Variants in EHBP1 observed in about 807,000 individuals in gnomAD.
EHBP1 encodes EH domain binding protein 1.
A neutral mutation model predicts 144.0 loss-of-function variants in EHBP1; 55 were observed. That is an observed-to-expected ratio of 0.38 (90% CI 0.31 to 0.48). The LOEUF (loss-of-function observed/expected upper bound fraction) is 0.48. EHBP1 is among the 20% of genes least tolerant of loss of function. The pLI is 0.98. For missense variants in EHBP1, 1,200 were observed against 1,364.2 expected (o/e 0.88, Z 1.90); for synonymous variants, 469 against 472.7 (o/e 0.99, Z 0.10).
Position 62,993,558 on chromosome 2 carries a change from G to T in EHBP1, c.2762G>T (p.Arg921Leu). 1 of 1,596,996 alleles carries T rather than the reference G, an allele frequency of 6.3e-7. No individual in the cohort carries two copies. Among genetic ancestry groups the T allele is most frequent in the Non-Finnish European group, 8.6e-7 (1 of 1,169,194 alleles). ...KSGTEDLRTERLQKTTERFRN... is the reference protein window; with the variant it reads ...KSGTEDLRTELLQKTTERFRN... Reference sequence around the variant, plus strand: ...GGCACAGAAGATCTCCGGACTGAACGATTACAAAAAACAACAGAACGTTTT... The same window carrying T: ...GGCACAGAAGATCTCCGGACTGAACTATTACAAAAAACAACAGAACGTTTT... The change falls in exon 17 of 23, where the codon CGA (arginine) becomes CTA (leucine). Residue 921 changes from arginine to leucine, a missense_variant. Around this residue, in one of 6 missense-constraint regions of EHBP1, gnomAD observed 543 missense variants for 513.1 expected, o/e 1.06. Coordinates refer to ENST00000431489, the MANE Select transcript of EHBP1 (RefSeq NM_001142616.3).
At chr2:62,915,623 A>G (rs1374152140) in intron 10 of EHBP1, among the ~76,000 whole-genome samples, 4 of 152,198 alleles carry the variant, frequency 2.6e-5, no homozygotes, top group Admixed American at 2.6e-4. Context: ...GATTTGATAT[A>G]ACCATAATCA....
At chr2:62,776,267 A>T (rs2042047146) in intron 5 of EHBP1, among the ~76,000 whole-genome samples, 1 of 152,174 alleles carries the variant, frequency 6.6e-6, no homozygotes, top group Admixed American at 6.5e-5. Flanking sequence ...GAAACTTTAG[A>T]GTTGAAATTT....
At chr2:62,708,169 T>C (rs1288368119) in intron 2 of EHBP1, among the ~76,000 whole-genome samples, 1 of 152,210 alleles carries the variant, frequency 6.6e-6, no homozygotes, top group Non-Finnish European at 1.5e-5. Context: ...ACATCCATTT[T>C]ATTAGATTAA....
intron 14 of EHBP1, among the ~76,000 whole-genome samples, chr2:62,970,358 T>G (rs1476236889): frequency 1.3e-5 from 2 of 152,168 alleles, no homozygotes; most frequent in Non-Finnish European, 2.9e-5. Context: ...ACAAAACAAA[T>G]AAGCACAGGA....
intron 5 of EHBP1, among the ~76,000 whole-genome samples, chr2:62,793,653 C>T (rs542222492): frequency 4.5e-4 from 69 of 152,106 alleles, no homozygotes; most frequent in Non-Finnish European, 6.9e-4. Context: ...GTCTTATTAC[C>T]TTTCAGGATA....
intron 12 of EHBP1, among the ~76,000 whole-genome samples, chr2:62,947,443 T>G (rs2057130058): frequency 6.6e-6 from 1 of 152,186 alleles, no homozygotes; most frequent in South Asian, 2.1e-4. Context: ...GAGTAAACAT[T>G]TTACATCCCA....
intron 10 of EHBP1, among the ~76,000 whole-genome samples, chr2:62,879,259 C>T (rs1187712780): frequency 1.3e-5 from 2 of 152,100 alleles, no homozygotes; most frequent in African/African-American, 4.8e-5. Context: ...GTCACCACTC[C>T]TATTCAACAT....
At chr2:62,782,274 G>A (rs1269671640) in intron 5 of EHBP1, among the ~76,000 whole-genome samples, 1 of 152,224 alleles carries the variant, frequency 6.6e-6, no homozygotes, top group Non-Finnish European at 1.5e-5. Flanking sequence ...AATGTATAAT[G>A]ATAGCTGAAA....
intron 10 of EHBP1, among the ~76,000 whole-genome samples, chr2:62,900,777 A>T (rs1022102479): frequency 6.6e-6 from 1 of 151,676 alleles, no homozygotes; most frequent in Admixed American, 6.6e-5. Flanking sequence ...TATTGGTGAC[A>T]TTGATGGCAA....
chr2:62,989,526 G>C (rs1337645291), intron 15 of EHBP1, among the ~76,000 whole-genome samples: 1 of 152,002 alleles, frequency 6.6e-6, no homozygotes, highest in East Asian at 1.9e-4. Context: ...ATCCTAACAG[G>C]CTTGACTCTT....
At chr2:62,792,576 GGA>G (rs1393241087) in intron 5 of EHBP1, among the ~76,000 whole-genome samples, 1 of 151,824 alleles carries the variant, frequency 6.6e-6, no homozygotes, top group Non-Finnish European at 1.5e-5. Context: ...CTATATTTAT[GGA>G]TTTTTAAAAA....
chr2:62,794,364 A>G (rs1485565181), intron 5 of EHBP1, among the ~76,000 whole-genome samples: 1 of 152,134 alleles, frequency 6.6e-6, no homozygotes, highest in Non-Finnish European at 1.5e-5. Context: ...AGTTTTATTT[A>G]GAAAAGTGAT....
intron 19 of EHBP1, among the ~76,000 whole-genome samples, chr2:63,026,293 CTT>C: frequency 1.0e-5 from 1 of 97,202 alleles, no homozygotes; most frequent in African/African-American, 3.7e-5. Flanking sequence ...GGCTCTCTAC[CTT>C]GTGTGTGTGT....
At chr2:62,858,212 T>C (rs1351552224) in intron 7 of EHBP1, among the ~76,000 whole-genome samples, 3 of 152,222 alleles carry the variant, frequency 2.0e-5, no homozygotes, top group Admixed American at 2.0e-4. Context: ...ATGCTTTCTA[T>C]TTTAAAATAT....
At chr2:62,879,546 AACACACACACACACACACACACACAC>A (rs70962798) in intron 10 of EHBP1, among the ~76,000 whole-genome samples, 5 of 133,720 alleles carry the variant, frequency 3.7e-5, no homozygotes, top group African/African-American at 1.4e-4. Context: ...TATTCACAAT[AACACACACACACACACACACACACAC>A]ACACACACAC....
intron 1 of EHBP1, chr2:62,706,497 A>G (rs910927900): frequency 1.3e-5 from 2 of 152,226 alleles, no homozygotes; most frequent in African/African-American, 2.4e-5. Flanking sequence ...GAGGCTATTA[A>G]TTATCGACTG....
At chr2:62,705,324 C>T (rs1307374476), upstream of EHBP1, among the ~76,000 whole-genome samples, 1 of 152,112 alleles carries the variant, frequency 6.6e-6, no homozygotes, top group Non-Finnish European at 1.5e-5. Context: ...TGCAATCACC[C>T]TTAGGGGCCA....
rs1371807881 is a variant in EHBP1 at position 62,760,545 on chromosome 2, A to G, written c.163-3721A>G. 2.6e-5 allele frequency among the ~76,000 whole-genome samples: 4 copies of G among 152,192 alleles called. No individual in the cohort carries two copies. The South Asian group carries it at 8.3e-4, about 32-fold the overall frequency. On this transcript the variant is annotated intron_variant, in intron 3 of 22. Transcript: ENST00000431489. Reference sequence around the variant, plus strand: ...ATTACTATTCCCTGATCCAGGACTGAGGATTTAGAGGACCAAGCTTTAGGA... The same window carrying G: ...ATTACTATTCCCTGATCCAGGACTGGGGATTTAGAGGACCAAGCTTTAGGA...
intron 15 of EHBP1, among the ~76,000 whole-genome samples, chr2:62,986,961 C>T (rs1214998045): frequency 6.6e-6 from 1 of 152,048 alleles, no homozygotes; most frequent in African/African-American, 2.4e-5. Context: ...CGGAATACCT[C>T]ACTACTAATA....
Sources: allele counts gnomAD v4.1 joint callset (sites outside exome capture counted in the v4.1 genomes callset), GRCh38; gene constraint gnomAD v4.1.1; regional missense constraint gnomAD v4.1.1; transcripts MANE v1.5; gene names NCBI Gene and HGNC (gene_info 2026-07-23, HGNC 2026-07-21).